C10orf90: variants seen among roughly 807,000 people sequenced by gnomAD.
The protein encoded by C10orf90 is (E2-independent) E3 ubiquitin-conjugating enzyme FATS.
In C10orf90, 56 loss-of-function variants were observed where a neutral mutation model predicts 62.5. That is an observed-to-expected ratio of 0.90 (90% CI 0.72 to 1.12). C10orf90 has a LOEUF of 1.12. C10orf90 is among the 50% of genes most tolerant of loss of function. The probability of loss-of-function intolerance (pLI) is 0.00; values close to 1 mark genes in which losing one functional copy is unlikely to be tolerated. For synonymous variants in C10orf90, 386 were observed against 340.4 expected (o/e 1.13, Z -1.47); for missense variants, 970 against 880.4 (o/e 1.10, Z -1.29).
At chr10:126,469,728 T>C in intron 4 of C10orf90, 2 of 374,486 alleles carry the variant, frequency 5.3e-6, no homozygotes, top group South Asian at 2.0e-5. Flanking sequence ...ATTTTATATG[T>C]AGTGTCTCAC....
intron 1 of C10orf90, among the ~76,000 whole-genome samples, chr10:126,649,058 CTCTCTCT>C: frequency 3.4e-5 from 2 of 58,946 alleles, no homozygotes; most frequent in African/African-American, 1.4e-4. Context: ...CTCTCTCTCT[CTCTCTCT>C]CTCTCTCCCC....
intron 2 of C10orf90, among the ~76,000 whole-genome samples, chr10:126,552,034 T>A (rs1277785238): frequency 6.6e-6 from 1 of 152,154 alleles, no homozygotes; most frequent in African/African-American, 2.4e-5. Context: ...GGTTAGTACC[T>A]AGAAGAACTA....
At chr10:126,606,337 A>G (rs896590307) in intron 2 of C10orf90, among the ~76,000 whole-genome samples, 3 of 152,214 alleles carry the variant, frequency 2.0e-5, no homozygotes, top group Non-Finnish European at 4.4e-5. Context: ...GAAAACGATT[A>G]TGGCTCATTG....
chr10:126,485,949 G>GA (rs11461920), intron 4 of C10orf90, among the ~76,000 whole-genome samples: 31,529 of 138,816 alleles, frequency 0.23, 4,129 homozygotes, highest in African/African-American at 0.4. Context: ...TCCATCTCAA[G>GA]AAAAAAAAAA....
At chr10:126,566,276 T>C (rs1844387289) in intron 2 of C10orf90, among the ~76,000 whole-genome samples, 2 of 152,198 alleles carry the variant, frequency 1.3e-5, no homozygotes, top group African/African-American at 2.4e-5. Flanking sequence ...CAACACGTGA[T>C]GTTATTAGTT....
chr10:126,533,743 C>T (rs1009935134), intron 2 of C10orf90, among the ~76,000 whole-genome samples: 3 of 152,122 alleles, frequency 2.0e-5, no homozygotes, highest in East Asian at 1.9e-4. Context: ...GTCCTGCCTG[C>T]GAAATGAGAA....
At chr10:126,610,868 G>A (rs1325070392) in intron 2 of C10orf90, among the ~76,000 whole-genome samples, 1 of 152,080 alleles carries the variant, frequency 6.6e-6, no homozygotes, top group Non-Finnish European at 1.5e-5. Flanking sequence ...CTCACCTACA[G>A]GCCACACTCC....
intron 2 of C10orf90, among the ~76,000 whole-genome samples, chr10:126,582,187 C>T (rs1009601966): frequency 3.9e-5 from 6 of 152,168 alleles, no homozygotes; most frequent in Non-Finnish European, 8.8e-5. Context: ...AAACTAACAG[C>T]GAGGGACTTT....
intron 2 of C10orf90, among the ~76,000 whole-genome samples, chr10:126,624,045 T>C (rs1845697413): frequency 6.6e-6 from 1 of 151,912 alleles, no homozygotes; most frequent in South Asian, 2.1e-4. Context: ...ACTCAGCAAA[T>C]AGGTATCAGA....
intron 2 of C10orf90, among the ~76,000 whole-genome samples, chr10:126,526,288 A>T (rs1310444018): frequency 1.4e-5 from 2 of 146,254 alleles, no homozygotes; most frequent in African/African-American, 5.1e-5. Context: ...TCTGTCGTTC[A>T]GGCTGGAGTG....
intron 4 of C10orf90, among the ~76,000 whole-genome samples, chr10:126,477,906 C>A (rs1317415648): frequency 6.6e-6 from 1 of 152,168 alleles, no homozygotes; most frequent in Non-Finnish European, 1.5e-5. Context: ...TAGTTCCCAT[C>A]AATCTGTTGG....
intron 2 of C10orf90, 35 bp from the exon 3 acceptor site, chr10:126,513,974 T>C (rs1222627083): frequency 7.0e-7 from 1 of 1,433,992 alleles, no homozygotes; most frequent in Admixed American, 1.8e-5. Context: ...TACTTTTTAG[T>C]ATATAAAAGG....
intron 1 of C10orf90, among the ~76,000 whole-genome samples, chr10:126,666,979 CAA>C (rs566799621): frequency 2.2e-5 from 3 of 136,404 alleles, no homozygotes; most frequent in African/African-American, 5.3e-5. Context: ...GACCCTGTCT[CAA>C]AAAAAAAAAA....
intron 2 of C10orf90, among the ~76,000 whole-genome samples, chr10:126,623,453 C>T: frequency 6.6e-6 from 1 of 152,176 alleles, no homozygotes; most frequent in Non-Finnish European, 1.5e-5. Context: ...CACCCCGTTC[C>T]TTTCTACCCT....
intron 8 of C10orf90, among the ~76,000 whole-genome samples, chr10:126,426,469 T>C (rs1857272021): frequency 6.6e-6 from 1 of 152,244 alleles, no homozygotes; most frequent in Non-Finnish European, 1.5e-5. Flanking sequence ...GATTGTAAAC[T>C]TGTTTCCAAA....
chr10:126,535,673 C>G (rs1277363162), intron 2 of C10orf90, among the ~76,000 whole-genome samples: 1 of 152,154 alleles, frequency 6.6e-6, no homozygotes, highest in East Asian at 1.9e-4. Flanking sequence ...TTAGCTCTCC[C>G]CAGTGGAAAT....
At chr10:126,524,869 C>A in intron 2 of C10orf90, 1 of 976,292 alleles carries the variant, frequency 1.0e-6, no homozygotes, top group Non-Finnish European at 1.2e-6. Flanking sequence ...AAGTGGAAAA[C>A]GCCATTATTT....
chr10:126,429,106 C>T (rs1564785536), intron 8 of C10orf90, among the ~76,000 whole-genome samples: 1 of 152,138 alleles, frequency 6.6e-6, no homozygotes, highest in African/African-American at 2.4e-5. Context: ...AAACTAATGA[C>T]ATTTTACTTG....
intron 4 of C10orf90, among the ~76,000 whole-genome samples, chr10:126,481,959 G>C (rs185686168): frequency 1.3e-5 from 2 of 152,154 alleles, no homozygotes; most frequent in Non-Finnish European, 2.9e-5. Context: ...CCCATACCTA[G>C]GAGGAAGAAA....
Sources: allele counts gnomAD v4.1 joint callset (sites outside exome capture counted in the v4.1 genomes callset), GRCh38; gene constraint gnomAD v4.1.1; transcripts MANE v1.5; gene names NCBI Gene and HGNC (gene_info 2026-07-23, HGNC 2026-07-21).